The following RTKN2 variants were observed in gnomAD, a reference collection of about 807,000 sequenced individuals.
RTKN2 encodes rhotekin-2.
RTKN2 carries 69 observed loss-of-function variants against 71.5 expected under a neutral mutation model. The ratio of observed to expected loss-of-function variants is 0.96; its 90% confidence interval spans 0.79 to 1.18. The LOEUF (loss-of-function observed/expected upper bound fraction) is 1.18, where lower values mean the gene tolerates loss of function less well. Ranked by LOEUF, RTKN2 falls within the 50% of genes most tolerant of loss-of-function variation. The pLI, the probability that RTKN2 is intolerant of heterozygous loss-of-function variation, is 0.00. For missense variants in RTKN2, 724 were observed against 719.7 expected, an observed-to-expected ratio of 1.01 and a Z score of -0.07; for synonymous variants, 236 against 236.5, an observed-to-expected ratio of 1.00 and a Z score of 0.02.
intron 2 of RTKN2, among the ~76,000 whole-genome samples, chr10:62,259,827 C>T (rs1373687231): frequency 2.0e-5 from 3 of 152,174 alleles, no homozygotes; most frequent in Admixed American, 2.0e-4. Context: ...GTTGAGATTA[C>T]AGGTGTGAAC....
At chr10:62,192,082 C>A (rs1841232212), downstream of RTKN2, among the ~76,000 whole-genome samples, 1 of 150,098 alleles carries the variant, frequency 6.7e-6, no homozygotes, top group African/African-American at 2.5e-5. Flanking sequence ...ATAAAAAACC[C>A]AAATGAGGTT....
At chr10:62,225,818 G>A (rs1281988400) in intron 6 of RTKN2, among the ~76,000 whole-genome samples, 1 of 144,882 alleles carries the variant, frequency 6.9e-6, no homozygotes, top group East Asian at 2.0e-4. Flanking sequence ...GTCTCACTCT[G>A]TCACCCAGGC....
chr10:62,259,488 TCAACA>T (rs910753312), intron 2 of RTKN2, among the ~76,000 whole-genome samples: 4 of 152,234 alleles, frequency 2.6e-5, no homozygotes, highest in Non-Finnish European at 5.9e-5. Flanking sequence ...ATCTTCAGAC[TCAACA>T]CAACAGATCT....
chr10:62,185,676 A>G (rs1250340285), intron 8 of RTKN2, among the ~76,000 whole-genome samples: 1 of 152,230 alleles, frequency 6.6e-6, no homozygotes. Context: ...ATGGTGAGAC[A>G]TCAAAGGAAA....
Position 62,247,514 on chromosome 10 carries a change from C to T in RTKN2, c.258-1457G>A, listed in dbSNP as rs542011810. On this transcript the variant is annotated intron_variant, in intron 2 of 11. Transcript: ENST00000373789. ...TATCTGGTATTAAAACTAGGGAATTCACTCAGTGAAACATACAAATACTCA... is the reference window on the plus strand; with the variant it reads ...TATCTGGTATTAAAACTAGGGAATTTACTCAGTGAAACATACAAATACTCA... Among the ~76,000 whole-genome samples, 18 of 151,998 alleles carry T rather than the reference C, an allele frequency of 1.2e-4. 1 individual carries two copies. In the South Asian group the frequency reaches 1.5e-3, roughly 12 times the overall value.
intron 2 of RTKN2, among the ~76,000 whole-genome samples, chr10:62,252,861 TAA>T (rs1842607386): frequency 6.6e-6 from 1 of 152,028 alleles, no homozygotes; most frequent in Non-Finnish European, 1.5e-5. Context: ...TATCGGTATA[TAA>T]AGTTTTTTTA....
At chr10:62,249,937 G>C (rs1044505370) in intron 2 of RTKN2, among the ~76,000 whole-genome samples, 1 of 152,118 alleles carries the variant, frequency 6.6e-6, no homozygotes, top group Non-Finnish European at 1.5e-5. Context: ...AACAGTAGTA[G>C]CCATCTAAAT....
intron 6 of RTKN2, among the ~76,000 whole-genome samples, chr10:62,232,766 G>T (rs1842176541): frequency 2.0e-5 from 3 of 151,788 alleles, no homozygotes; most frequent in South Asian, 4.1e-4. Flanking sequence ...ACTGGTCTGG[G>T]AACAGTAAAA....
At chr10:62,239,467 A>G (rs61850845) in intron 5 of RTKN2, 181 bp downstream of exon 5, 44,270 of 411,854 alleles carry the variant, frequency 0.11, 2,960 homozygotes, top group South Asian at 0.25. Context: ...ACATCAGAAA[A>G]CTGCAGATAG....
At chr10:62,236,517 A>G (rs1401493921) in intron 5 of RTKN2, among the ~76,000 whole-genome samples, 1 of 152,024 alleles carries the variant, frequency 6.6e-6, no homozygotes, top group Non-Finnish European at 1.5e-5. Context: ...GGAAAGCAGT[A>G]TAGAGGTTCC....
At chr10:62,208,390 A>G (rs1051430637) in intron 9 of RTKN2, among the ~76,000 whole-genome samples, 2 of 152,178 alleles carry the variant, frequency 1.3e-5, no homozygotes, top group African/African-American at 4.8e-5. Context: ...AATGTATAAG[A>G]TGATTCTGGA....
In RTKN2 at chr10:62,197,161, A is replaced by G; in HGVS notation, c.*747T>C. On this transcript the variant is annotated 3_prime_UTR_variant, in exon 12 of 12. Coordinates refer to ENST00000373789, the MANE Select transcript of RTKN2 (RefSeq NM_145307.4). Reference sequence around the variant, plus strand: ...CACTTCCCTAAATTCCAAAGTCACAATGGAAATTAGCACCACACACAGAAA... The same window carrying G: ...CACTTCCCTAAATTCCAAAGTCACAGTGGAAATTAGCACCACACACAGAAA... The G allele has an allele frequency of 1.0e-6, 1 of 985,550 alleles. No homozygotes were observed. 61.1% of individuals were successfully genotyped at this position (985,550 alleles called of 1,614,324 possible). A position where few individuals can be genotyped will look rare whatever the true frequency, so the allele number is the denominator to read the frequency against.
intron 9 of RTKN2, 60 bp downstream of exon 9, chr10:62,217,058 A>C: frequency 1.5e-6 from 2 of 1,302,438 alleles, no homozygotes; most frequent in Non-Finnish European, 2.1e-6. Context: ...TGTAAACTGC[A>C]CAGACAAAAA....
At chr10:62,267,132 A>G (rs1026473643) in intron 1 of RTKN2, among the ~76,000 whole-genome samples, 2 of 152,174 alleles carry the variant, frequency 1.3e-5, no homozygotes, top group Non-Finnish European at 2.9e-5. Context: ...ACCTACTACT[A>G]TTTTGTGTTT....
intron 9 of RTKN2, among the ~76,000 whole-genome samples, chr10:62,210,840 T>C (rs556491622): frequency 6.6e-6 from 1 of 152,232 alleles, no homozygotes; most frequent in South Asian, 2.1e-4. Context: ...ATTTTTGCTA[T>C]ATTTACTTTT....
At chr10:62,208,789 A>C (rs1225416817) in intron 9 of RTKN2, among the ~76,000 whole-genome samples, 1 of 152,194 alleles carries the variant, frequency 6.6e-6, no homozygotes, top group African/African-American at 2.4e-5. Context: ...AGCTATAACG[A>C]ATGTAAAAAT....
At position 62,198,410 on chromosome 10, in the gene RTKN2, G is replaced by C; in HGVS notation, c.1328C>G (p.Thr443Arg). 6.4e-7 allele frequency: 1 copy of C among 1,554,148 alleles called. No individual in the cohort carries two copies. ...TTCAATTTTTTTTTGTATTATATCC[G>C]TTAAACTTTCAAGTTTCATAGGTGA... Reference protein sequence around the residue: ...IDSPMKLESLTDIIQKKIEET... With the variant: ...IDSPMKLESLRDIIQKKIEET... The change falls in exon 12 of 12, where the codon ACG becomes AGG. Residue 443 changes from threonine (T) to arginine (R), a missense_variant. By Grantham distance (71) the Thr-to-Arg change is moderately conservative. Coordinates refer to ENST00000373789, the MANE Select transcript of RTKN2 (RefSeq NM_145307.4).
intron 4 of RTKN2, among the ~76,000 whole-genome samples, 156 bp downstream of exon 4, chr10:62,240,986 A>G (rs947768083): frequency 4.6e-5 from 7 of 152,240 alleles, no homozygotes; most frequent in African/African-American, 1.7e-4. Context: ...TGACTGCAAC[A>G]TATTTATATT....
In RTKN2 at chr10:62,198,123, A is replaced by G; in HGVS notation, c.1615T>C (p.Ser539Pro). ...GTTGATAGTTTGGTATCCAAAGACG[A>G]TGTCTGAGATACACTTGTTTTTCCC... ...NWGKTSVSQT[S>P]SLDTKLSTLM... The change falls in exon 12 of 12, where the codon TCG becomes CCG. Residue 539 changes from serine (S) to proline (P), a missense_variant. Coordinates refer to ENST00000373789, the MANE Select transcript of RTKN2 (RefSeq NM_145307.4). The G allele has an allele frequency of 6.2e-7, 1 of 1,614,150 alleles. No homozygotes were observed. The highest frequency in any genetic ancestry group is 1.6e-4 in the Middle Eastern group (1 of 6,062).
Sources: gnomAD v4.1 joint callset for allele counts (sites outside exome capture counted in the v4.1 genomes callset) on GRCh38, gnomAD v4.1.1 for gene constraint, MANE v1.5 for transcripts, NCBI Gene and HGNC (gene_info 2026-07-23, HGNC 2026-07-21) for gene names.